The following WDR90 variants were observed in gnomAD, a reference collection of about 807,000 sequenced individuals.
WDR90 encodes WD repeat-containing protein 90.
Under a neutral mutation model 195.2 loss-of-function variants are expected in WDR90, and 238 were observed. The ratio of observed to expected loss-of-function variants is 1.22; its 90% CI spans 1.10 to 1.36. WDR90 has a LOEUF of 1.36. WDR90 is among the 40% of genes most tolerant of loss of function. The pLI is 0.00. For synonymous variants in WDR90, 1,265 were observed against 1,052.4 expected, an observed-to-expected ratio of 1.20 and a Z score of -3.91; for missense variants, 2,734 against 2,439.5, an observed-to-expected ratio of 1.12 and a Z score of -2.54.
chr16:653,248 C>T, intron 10 of WDR90, 93 bp from the exon 11 acceptor site: 4 of 1,095,752 alleles, frequency 3.7e-6, no homozygotes, highest in Non-Finnish European at 5.1e-6. Context: ...ACCCCCTCTC[C>T]CTGGGCTGGA....
Position 659,375 on chromosome 16 carries a change from T to C in WDR90, c.3183T>C (p.Asp1061=). ...GVCARPPEGG[D]GARDTRNSGA... is the part of the protein sequence containing the mutation. ...GTGCCAGGCCTCCCGAAGGTGGCGA[T>C]GGTGAGCAGCAGGGGTCCTGGAGGA... is the stretch of plus-strand genomic sequence containing the variant. The change falls in exon 26 of 41, where the codon GAT becomes GAC. Residue 1061 remains aspartate (D), a splice_region_variant and synonymous_variant. Coordinates refer to ENST00000293879, the MANE Select transcript of WDR90 (RefSeq NM_145294.5). 1 of 1,591,170 alleles carries C rather than the reference T, an allele frequency of 6.3e-7. No individual in the cohort carries two copies. Among genetic ancestry groups the C allele is most frequent in the Non-Finnish European group, 8.5e-7 (1 of 1,170,052 alleles).
At position 656,589 on chromosome 16, in the gene WDR90, T is replaced by TG. The variant is rs569354629; in HGVS notation, c.2202+56dup. On this transcript the variant is annotated intron_variant, in intron 18 of 40. Coordinates refer to ENST00000293879, the MANE Select transcript of WDR90 (RefSeq NM_145294.5). ...AGGGAGGGCCGGGAGGTCCTGAAGC[T>TG]GGGGTTTGTCAGCGGGGGTGAGAGG... The TG allele has an allele frequency of 1.2e-3, 1,908 of 1,574,118 alleles. 21 individuals carry two copies. The East Asian group carries it at 0.021, about 17-fold the overall frequency.
chr16:657,654 G>T, intron 20 of WDR90, 108 bp from the exon 21 acceptor site: 1 of 1,385,690 alleles, frequency 7.2e-7, no homozygotes, highest in Non-Finnish European at 9.5e-7. Context: ...TGTGCTCCGG[G>T]GCTGGTGTTT....
In WDR90 at chr16:666,006, G is replaced by A. The variant is rs1308020061; in HGVS notation, c.4491G>A (p.Arg1497=). 1.9e-6 allele frequency: 3 copies of A among 1,604,096 alleles called. No individual in the cohort carries two copies. The highest frequency in any genetic ancestry group is 1.7e-6 in the Non-Finnish European group (2 of 1,179,702). Residue 1497 remains arginine, a synonymous_variant, in exon 36 of 41, where the codon CGG becomes CGA. Coordinates refer to ENST00000293879, the MANE Select transcript of WDR90 (RefSeq NM_145294.5). ...PPCCGRPEQQ[R]LAAGYGDGSL... is the part of the protein sequence containing the mutation. Reference sequence around the variant, plus strand: ...GCTGTGGCCGCCCTGAGCAGCAGCGGCTAGCGGCTGGCTACGGTGACGGCT... The same window carrying A: ...GCTGTGGCCGCCCTGAGCAGCAGCGACTAGCGGCTGGCTACGGTGACGGCT...
chr16:653,886 C>T, intron 13 of WDR90, 83 bp downstream of exon 13: 1 of 1,528,120 alleles, frequency 6.5e-7, no homozygotes, highest in Middle Eastern at 1.7e-4. Context: ...TTCTGAAACT[C>T]CAGCTTCATG....
At chr16:655,223 C>G in intron 14 of WDR90, 76 bp downstream of exon 14, 2 of 1,612,226 alleles carry the variant, frequency 1.2e-6, no homozygotes, top group Non-Finnish European at 1.7e-6. Flanking sequence ...AGCACCTCCC[C>G]CTGGCTTGGC....
rs551583000 is a variant in WDR90 at position 657,553 on chromosome 16, G to A, written c.2474-209G>A. 1.3e-3 allele frequency among the ~76,000 whole-genome samples: 199 copies of A among 152,334 alleles called. 1 individual carries two copies. The highest frequency in any genetic ancestry group is 2.3e-3 in the Non-Finnish European group (157 of 68,020). On this transcript the variant is annotated intron_variant, in intron 20 of 40. Coordinates refer to ENST00000293879, the MANE Select transcript of WDR90 (RefSeq NM_145294.5). ...TTGGGCCCCCTGAGTGGTCACTTAT[G>A]ACTACTGCTGGCCCACGGGGACTCC...
Position 655,808 on chromosome 16 carries a change from C to A in WDR90, c.1885C>A (p.Pro629Thr). 1 of 1,592,422 alleles carries A rather than the reference C, an allele frequency of 6.3e-7. No individual in the cohort carries two copies. Among genetic ancestry groups the A allele is most frequent in the East Asian group, 2.3e-5 (1 of 43,874 alleles). Residue 629 changes from proline (P) to threonine (T), a missense_variant, in exon 17 of 41, where the codon CCG becomes ACG. Pro to Thr is a conservative substitution (Grantham distance 38). Transcript: ENST00000293879. The part of the protein sequence containing the change: ...GIAISSLSVS[P>T]AMCAVGSEDG... ...TGCCATCAGCAGCCTCAGCGTCTCC[C>A]CGGCCATGTGTGCTGTGGGCTCTGA...
chr16:658,390 G>A (rs1441339028), intron 22 of WDR90, 46 bp downstream of exon 22: 1 of 1,599,154 alleles, frequency 6.3e-7, no homozygotes, highest in East Asian at 2.2e-5. Context: ...TCCCTGTGCT[G>A]TCCAGGCCTG....
At chr16:656,143 A>G (rs2037748939) in intron 17 of WDR90, 159 bp from the exon 18 acceptor site, 1 of 792,902 alleles carries the variant, frequency 1.3e-6, no homozygotes, top group South Asian at 1.7e-5. Context: ...GCCTAGCCTA[A>G]GAGTGGTGGC....
At position 655,614 on chromosome 16, in the gene WDR90, G is replaced by A. The variant is rs1447810085; in HGVS notation, c.1760G>A (p.Cys587Tyr). ...SRSGHILEID[C>Y]QRMVVRHARR... ...AGTGGCCACATCTTGGAGATTGACT[G>A]TCAGCGCATGGTCGTGCGGCATGCC... Residue 587 changes from cysteine to tyrosine, a missense_variant, in exon 16 of 41, where the codon TGT (cysteine) becomes TAT (tyrosine). Cys to Tyr is a radical substitution (Grantham distance 194). Coordinates refer to ENST00000293879, the MANE Select transcript of WDR90 (RefSeq NM_145294.5). 2 of 1,607,982 alleles carry A rather than the reference G, an allele frequency of 1.2e-6. No individual in the cohort carries two copies. The highest frequency in any genetic ancestry group is 1.7e-6 in the Non-Finnish European group (2 of 1,177,068).
chr16:655,855 G>C lies in WDR90; in HGVS notation c.1932G>C (p.Trp644Cys). ...VGSEDGFLRL[W>C]PLDFSSVLLE... ...CTGAGGACGGCTTCTTGCGGCTCTGGCCCCTGGACTTCTCCTCGGTGCTCC... is the reference window on the plus strand; with the variant it reads ...CTGAGGACGGCTTCTTGCGGCTCTGCCCCCTGGACTTCTCCTCGGTGCTCC... Residue 644 changes from tryptophan to cysteine, a missense_variant, in exon 17 of 41, where the codon TGG (tryptophan) becomes TGC (cysteine). By Grantham distance (215) the Trp-to-Cys change is radical. Coordinates refer to ENST00000293879, the MANE Select transcript of WDR90 (RefSeq NM_145294.5). 1 of 1,598,996 alleles carries C rather than the reference G, an allele frequency of 6.3e-7. No individual in the cohort carries two copies.
intron 27 of WDR90, 139 bp downstream of exon 27, chr16:660,300 G>C (rs1248648121): frequency 2.5e-6 from 2 of 803,870 alleles, no homozygotes; most frequent in African/African-American, 3.5e-5. Context: ...TCCCCTGGAG[G>C]CAACTTCATC....
In WDR90 at chr16:662,451, C is replaced by T. The variant is rs548096316; in HGVS notation, c.4145+120C>T. On this transcript the variant is annotated intron_variant, in intron 33 of 40. Transcript: ENST00000293879. ...CCTGCAGACCGGCCGCCTGCTAGCC[C>T]CTCCAAGGGACAGGCTTGGGTGTGG... 1,322 of 1,328,014 alleles carry T rather than the reference C, an allele frequency of 1.0e-3. 10 individuals carry two copies. The highest frequency in any genetic ancestry group is 7.2e-3 in the South Asian group (535 of 73,812). The allele number at this position is 1,328,014 out of a possible 1,614,324, so 82.3% of individuals were successfully genotyped here. A position where few individuals can be genotyped will look rare whatever the true frequency, so the allele number is the denominator to read the frequency against.
At chr16:661,241 G>A (rs749469495) in intron 29 of WDR90, 69 bp downstream of exon 29, 109 of 1,518,702 alleles carry the variant, frequency 7.2e-5, no homozygotes, top group African/African-American at 1.5e-4. Flanking sequence ...CTCCCGGACC[G>A]GTGCGGGTTC....
In WDR90 at chr16:655,792, C is replaced by T. The variant is rs1567216553; in HGVS notation, c.1869C>T (p.Ser623=). The change falls in exon 17 of 41, where the codon AGC becomes AGT. Residue 623 remains serine, a synonymous_variant. Coordinates refer to ENST00000293879, the MANE Select transcript of WDR90 (RefSeq NM_145294.5). ...CCCCAGGCCCCGGCATTGCCATCAG[C>T]AGCCTCAGCGTCTCCCCGGCCATGT... ...TFSSGPGIAI[S]SLSVSPAMCA... The T allele has an allele frequency of 6.3e-7, 1 of 1,589,442 alleles. No homozygotes were observed. Among genetic ancestry groups the T allele is most frequent in the Non-Finnish European group, 8.6e-7 (1 of 1,169,062 alleles).
Position 666,958 on chromosome 16 carries a change from C to T in WDR90, c.5058C>T (p.Pro1686=), listed in dbSNP as rs759366898. 26 of 1,610,578 alleles carry T rather than the reference C, an allele frequency of 1.6e-5. No homozygotes were observed. The highest frequency in any genetic ancestry group is 1.1e-4 in the East Asian group (5 of 44,684). Residue 1686 remains proline (P), a synonymous_variant, in exon 40 of 41, where the codon CCC becomes CCT. Coordinates refer to ENST00000293879, the MANE Select transcript of WDR90 (RefSeq NM_145294.5). ...TTGCCATGTCCCTGAGCCTGTCCCC[C>T]GGGACCCACCTCCTGGCTGTTGGCT... The part of the protein sequence containing the change: ...PFFAMSLSLS[P]GTHLLAVGFA...
chr16:666,666 T>A lies in WDR90; in HGVS notation c.4885-7T>A. ...CCACCCCACCGCAGCATGCTGCGCC[T>A]TTGCAGACTCAGGGCCACCTGCCAC... is the stretch of plus-strand genomic sequence containing the variant. On this transcript the variant is annotated splice_polypyrimidine_tract_variant and splice_region_variant and intron_variant, in intron 38 of 40. Coordinates refer to ENST00000293879, the MANE Select transcript of WDR90 (RefSeq NM_145294.5). The A allele has an allele frequency of 6.2e-7, 1 of 1,612,440 alleles. No individual in the cohort carries two copies. The highest frequency in any genetic ancestry group is 8.5e-7 in the Non-Finnish European group (1 of 1,179,808).
In WDR90 at chr16:655,786, C is replaced by T; in HGVS notation, c.1863C>T (p.Ala621=). The T allele has an allele frequency of 1.9e-6, 3 of 1,589,894 alleles. No individual in the cohort carries two copies. The highest frequency in any genetic ancestry group is 2.6e-6 in the Non-Finnish European group (3 of 1,169,120). Residue 621 remains alanine, a synonymous_variant, in exon 17 of 41, where the codon GCC becomes GCT. Transcript: ENST00000293879. ...CCCTGCCCCCAGGCCCCGGCATTGCCATCAGCAGCCTCAGCGTCTCCCCGG... is the reference window on the plus strand; with the variant it reads ...CCCTGCCCCCAGGCCCCGGCATTGCTATCAGCAGCCTCAGCGTCTCCCCGG... ...KQTFSSGPGI[A]ISSLSVSPAM...
Sources: gnomAD v4.1 joint callset for allele counts (sites outside exome capture counted in the v4.1 genomes callset) on GRCh38, gnomAD v4.1.1 for gene constraint, MANE v1.5 for transcripts, NCBI Gene and HGNC (gene_info 2026-07-23, HGNC 2026-07-21) for gene names.